The following PDGFD variants were observed in gnomAD, a reference collection of about 807,000 sequenced individuals.
PDGFD encodes platelet derived growth factor D, also known as platelet-derived growth factor D.
Under a neutral mutation model 44.7 loss-of-function variants are expected in PDGFD, and 30 were observed. The observed-to-expected ratio is 0.67, with a 90% CI of 0.50 to 0.91. PDGFD has a LOEUF of 0.91. Among genes scored for constraint, PDGFD ranks in the 40% least tolerant of loss-of-function variants. The probability of loss-of-function intolerance (pLI) is 0.00; values close to 1 mark genes in which losing one functional copy is unlikely to be tolerated. For missense variants in PDGFD, 445 were observed against 457.8 expected, an observed-to-expected ratio of 0.97 and a Z score of 0.25; for synonymous variants, 173 against 168.4, an observed-to-expected ratio of 1.03 and a Z score of -0.21.
chr11:103,928,188 G>A (rs1473003315), intron 5 of PDGFD, among the ~76,000 whole-genome samples: 1 of 152,154 alleles, frequency 6.6e-6, no homozygotes, highest in Non-Finnish European at 1.5e-5. Flanking sequence ...TGTTCTCCAA[G>A]TCCATCCAAT....
chr11:103,984,515 A>G (rs1330513643), intron 3 of PDGFD, among the ~76,000 whole-genome samples: 1 of 151,536 alleles, frequency 6.6e-6, no homozygotes, highest in East Asian at 1.9e-4. Context: ...CCCATGACAC[A>G]ATTTTGCCTA....
intron 1 of PDGFD, among the ~76,000 whole-genome samples, chr11:104,148,702 C>T (rs1862199784): frequency 6.6e-6 from 1 of 152,034 alleles, no homozygotes; most frequent in South Asian, 2.1e-4. Context: ...CGTATTAAGC[C>T]TTGTACCCAT....
chr11:104,090,075 C>T (rs908330403), intron 1 of PDGFD, among the ~76,000 whole-genome samples: 3 of 152,234 alleles, frequency 2.0e-5, no homozygotes, highest in Middle Eastern at 6.8e-3. Flanking sequence ...AGAGTGATTA[C>T]AGTGACCTCT....
intron 3 of PDGFD, among the ~76,000 whole-genome samples, chr11:103,965,549 C>G (rs1348555650): frequency 1.3e-5 from 2 of 152,138 alleles, no homozygotes; most frequent in Non-Finnish European, 2.9e-5. Flanking sequence ...GCTATGTTAA[C>G]AGGATATGTA....
intron 1 of PDGFD, among the ~76,000 whole-genome samples, chr11:104,147,499 C>A (rs1380749606): frequency 6.6e-6 from 1 of 152,092 alleles, no homozygotes; most frequent in African/African-American, 2.4e-5. Context: ...TAGAGATACT[C>A]ATTTAACAAA....
At chr11:104,019,287 T>G (rs979188377) in intron 1 of PDGFD, among the ~76,000 whole-genome samples, 1 of 152,222 alleles carries the variant, frequency 6.6e-6, no homozygotes, top group Non-Finnish European at 1.5e-5. Context: ...CTGAATAAAT[T>G]CATCCTTGAA....
intron 5 of PDGFD, among the ~76,000 whole-genome samples, chr11:103,927,713 C>T (rs572307559): frequency 2.6e-5 from 4 of 152,254 alleles, no homozygotes; most frequent in African/African-American, 9.6e-5. Flanking sequence ...CATATTTGTG[C>T]ACTGGGTCCT....
chr11:104,158,763 T>G (rs1043924672), intron 1 of PDGFD, among the ~76,000 whole-genome samples: 1 of 147,396 alleles, frequency 6.8e-6, no homozygotes, highest in Non-Finnish European at 1.5e-5. Flanking sequence ...AACCGGGAGG[T>G]GGAGCTTTCA....
chr11:104,126,133 C>T (rs771222084), intron 1 of PDGFD, among the ~76,000 whole-genome samples: 3 of 152,156 alleles, frequency 2.0e-5, no homozygotes, highest in Non-Finnish European at 2.9e-5. Context: ...TATCACTGCT[C>T]CTTTACTCAT....
intron 3 of PDGFD, among the ~76,000 whole-genome samples, chr11:103,983,939 C>T (rs1859312506): frequency 1.3e-5 from 2 of 151,582 alleles, no homozygotes; most frequent in Non-Finnish European, 2.9e-5. Flanking sequence ...AAAACGAATG[C>T]TTATACACTG....
At chr11:103,935,039 C>A (rs1176970357) in intron 5 of PDGFD, among the ~76,000 whole-genome samples, 1 of 152,166 alleles carries the variant, frequency 6.6e-6, no homozygotes, top group Non-Finnish European at 1.5e-5. Flanking sequence ...ACAGCAAACA[C>A]AAGGAACACA....
At chr11:103,990,721 G>C (rs564561082) in intron 3 of PDGFD, among the ~76,000 whole-genome samples, 1 of 152,288 alleles carries the variant, frequency 6.6e-6, no homozygotes, top group African/African-American at 2.4e-5. Flanking sequence ...AGGGATTACT[G>C]TCCTCACTCT....
chr11:103,988,401 T>A (rs1407897462), intron 3 of PDGFD, among the ~76,000 whole-genome samples: 1 of 152,006 alleles, frequency 6.6e-6, no homozygotes, highest in Non-Finnish European at 1.5e-5. Flanking sequence ...GAAATGTGTT[T>A]ACTCAGCACA....
rs756698588 is a variant in PDGFD, at chr11:104,000,026, C to T, written c.329+25G>A. On this transcript the variant is annotated intron_variant, in intron 2 of 6. Coordinates refer to ENST00000393158, the MANE Select transcript of PDGFD (RefSeq NM_025208.5). ...TTCTTTTTTCACCTTGAAATAGTAC[C>T]GTAAAAATTTTTTTCCCAACTTACC... 31 of 1,577,150 alleles carry T rather than the reference C, an allele frequency of 2.0e-5. No individual in the cohort carries two copies. In the South Asian group the frequency reaches 2.1e-4, roughly 11 times the overall value.
At chr11:104,060,621 G>C (rs1405046127) in intron 1 of PDGFD, among the ~76,000 whole-genome samples, 2 of 152,106 alleles carry the variant, frequency 1.3e-5, no homozygotes, top group Admixed American at 1.3e-4. Flanking sequence ...GTATACTTCT[G>C]TTTGTCCAGC....
At chr11:104,097,007 T>G (rs684212) in intron 1 of PDGFD, among the ~76,000 whole-genome samples, 107,154 of 152,078 alleles carry the variant, frequency 0.7, 38,098 homozygotes, top group East Asian at 0.98. Context: ...AGTTTTATTC[T>G]TCAACAAGTC....
intron 1 of PDGFD, among the ~76,000 whole-genome samples, chr11:104,077,553 T>C (rs184345059): frequency 6.6e-6 from 1 of 152,172 alleles, no homozygotes; most frequent in African/African-American, 2.4e-5. Flanking sequence ...GTTTTTGATA[T>C]GGCTGCAGAA....
intron 1 of PDGFD, among the ~76,000 whole-genome samples, chr11:104,024,462 T>C (rs913865062): frequency 6.6e-6 from 1 of 152,182 alleles, no homozygotes; most frequent in Non-Finnish European, 1.5e-5. Context: ...ACATAACACA[T>C]AATGTTTCCC....
intron 3 of PDGFD, among the ~76,000 whole-genome samples, chr11:103,978,954 A>G (rs547047968): frequency 7.5e-4 from 114 of 152,190 alleles, no homozygotes; most frequent in Non-Finnish European, 1.2e-3. Flanking sequence ...AAGGATTCAT[A>G]TTAAGAGAAA....
Sources: gnomAD v4.1 joint callset for allele counts (sites outside exome capture counted in the v4.1 genomes callset) on GRCh38, gnomAD v4.1.1 for gene constraint, MANE v1.5 for transcripts, NCBI Gene and HGNC (gene_info 2026-07-23, HGNC 2026-07-21) for gene names.